The following GAREM1 variants were observed in gnomAD, a reference collection of about 807,000 sequenced individuals.
GAREM1 encodes the protein GRB2 associated regulator of MAPK1 subtype 1.
In GAREM1, 26 loss-of-function variants were observed where a neutral mutation model predicts 71.3. The observed-to-expected ratio is 0.36, with a 90% CI of 0.27 to 0.51. The LOEUF (loss-of-function observed/expected upper bound fraction) is 0.51. Ranked by LOEUF, GAREM1 falls within the 20% of genes least tolerant of loss-of-function variation. The pLI is 0.95. For synonymous variants in GAREM1, 440 were observed against 433.2 expected, an observed-to-expected ratio of 1.02 and a Z score of -0.20; for missense variants, 1,026 against 1,103.1, an observed-to-expected ratio of 0.93 and a Z score of 0.99.
At chr18:32,283,684 C>T (rs780028578) in intron 4 of GAREM1, among the ~76,000 whole-genome samples, 2 of 152,096 alleles carry the variant, frequency 1.3e-5, no homozygotes, top group African/African-American at 2.4e-5. Flanking sequence ...AGTTAATATA[C>T]AAGATATATT....
At chr18:32,279,707 C>A (rs2041589067) in intron 4 of GAREM1, among the ~76,000 whole-genome samples, 1 of 152,074 alleles carries the variant, frequency 6.6e-6, no homozygotes, top group Non-Finnish European at 1.5e-5. Context: ...GAAACCACTC[C>A]CTCCCCCAAC....
intron 2 of GAREM1, among the ~76,000 whole-genome samples, chr18:32,375,154 A>G (rs761314088): frequency 6.6e-6 from 1 of 152,186 alleles, no homozygotes; most frequent in Admixed American, 6.5e-5. Flanking sequence ...AATATTCCGA[A>G]TATCTGGCAA....
At chr18:32,468,960 T>TCCCCCCCCCCCCCCCCCCCCCCCCCCCCC (rs34977174) in intron 1 of GAREM1, among the ~76,000 whole-genome samples, 1 of 82,164 alleles carries the variant, frequency 1.2e-5, no homozygotes, top group Non-Finnish European at 2.4e-5. Context: ...CACCTGTGCG[T>TCCCCCCCCCCCCCCCCCCCCCCCCCCCCC]CCCCCCCCCC....
At chr18:32,323,612 T>A (rs1329130950) in intron 2 of GAREM1, among the ~76,000 whole-genome samples, 1 of 152,046 alleles carries the variant, frequency 6.6e-6, no homozygotes, top group East Asian at 1.9e-4. Flanking sequence ...GAGAGGCTGA[T>A]ACAGTAGAAT....
chr18:32,470,563 G>A lies in GAREM1; in HGVS notation c.-135C>T, dbSNP rs1165093787. On this transcript the variant is annotated 5_prime_UTR_variant, in exon 1 of 6. Coordinates refer to ENST00000269209, the MANE Select transcript of GAREM1 (RefSeq NM_001242409.2). This position sits in a 1 kb window ranked among gnomAD's most constrained non-coding sequence, Gnocchi z 4.4. ...CGGGCAGCTCCGGCCGCGGGCAGCC[G>A]GGGGGGCGCGGCGACTGGGGCGGCC... 13 of 517,228 alleles carry A rather than the reference G, an allele frequency of 2.5e-5. No homozygotes were observed. The South Asian group carries it at 8.9e-4, about 36-fold the overall frequency. 32.0% of individuals were successfully genotyped at this position (517,228 alleles called of 1,614,324 possible). A position where few individuals can be genotyped will look rare whatever the true frequency, so the allele number is the denominator to read the frequency against.
chr18:32,352,933 A>G (rs1447869732), intron 2 of GAREM1, among the ~76,000 whole-genome samples: 3 of 152,236 alleles, frequency 2.0e-5, no homozygotes, highest in African/African-American at 7.2e-5. Context: ...GCATAAACAG[A>G]TAACACAACA....
intron 2 of GAREM1, among the ~76,000 whole-genome samples, chr18:32,332,660 T>C (rs1041852471): frequency 4.6e-5 from 7 of 152,146 alleles, no homozygotes; most frequent in Non-Finnish European, 1.0e-4. Flanking sequence ...CCTCCCTGCC[T>C]ATCACCAAGC....
chr18:32,305,031 G>A (rs551395510), intron 3 of GAREM1, among the ~76,000 whole-genome samples: 2 of 151,684 alleles, frequency 1.3e-5, no homozygotes, highest in African/African-American at 4.8e-5. Flanking sequence ...ATAATTAAGA[G>A]AGAAAAAGCC....
intron 4 of GAREM1, among the ~76,000 whole-genome samples, chr18:32,280,756 T>C (rs1182527731): frequency 6.6e-6 from 1 of 152,208 alleles, no homozygotes; most frequent in African/African-American, 2.4e-5. Flanking sequence ...GTTTTTGTAA[T>C]ATCTTAGAAA....
rs532422925 is a variant in GAREM1 at position 32,437,816 on chromosome 18, T to A, written c.121+32492A>T. On this transcript the variant is annotated intron_variant, in intron 1 of 5. Transcript: ENST00000269209. ...AATAGCAAATATAAGTTTTAAAGAA[T>A]GTTTCCTTTTTAAATTATTTAGAAC... Among the ~76,000 whole-genome samples, 3 of 152,362 alleles carry A rather than the reference T, an allele frequency of 2.0e-5. No individual in the cohort carries two copies. The South Asian group carries it at 6.2e-4, about 32-fold the overall frequency.
intron 4 of GAREM1, among the ~76,000 whole-genome samples, chr18:32,273,093 A>G (rs1193155791): frequency 6.6e-6 from 1 of 152,362 alleles, no homozygotes; most frequent in East Asian, 1.9e-4. Flanking sequence ...GTTTATAGAA[A>G]TAGGGCGCAT....
chr18:32,470,217 C>T lies in GAREM1; in HGVS notation c.121+91G>A. ...GCTCAGGGGCGGGCAGCCCACTCCCCGCGGGTCCCACCCTCTCCAGCACAC... is the reference window on the plus strand; with the variant it reads ...GCTCAGGGGCGGGCAGCCCACTCCCTGCGGGTCCCACCCTCTCCAGCACAC... On this transcript the variant is annotated intron_variant, in intron 1 of 5. Coordinates refer to ENST00000269209, the MANE Select transcript of GAREM1 (RefSeq NM_001242409.2). The surrounding 1 kb of genome is among the most constrained non-coding windows in gnomAD (Gnocchi z 4.4). 1 of 1,292,332 alleles carries T rather than the reference C, an allele frequency of 7.7e-7. No individual in the cohort carries two copies. The highest frequency in any genetic ancestry group is 9.9e-7 in the Non-Finnish European group (1 of 1,014,116). 80.1% of individuals were successfully genotyped at this position (1,292,332 alleles called of 1,614,324 possible).
intron 1 of GAREM1, among the ~76,000 whole-genome samples, chr18:32,439,647 T>C (rs998140984): frequency 7.8e-6 from 1 of 128,938 alleles, no homozygotes; most frequent in Non-Finnish European, 1.8e-5. Context: ...CAAATGAGCT[T>C]TTTTTTTTTT....
At position 32,287,526 on chromosome 18, in the gene GAREM1, G is replaced by T. The variant is rs771764720; in HGVS notation, c.1071C>A (p.Pro357=). 1.2e-6 allele frequency: 2 copies of T among 1,614,186 alleles called. No individual in the cohort carries two copies. The part of the protein sequence containing the change: ...KTDWNEECKS[P]KKGRCSGHNH... Reference sequence around the variant, plus strand: ...TGTGGCCAGAGCACCGACCCTTCTTGGGGCTCTTGCATTCTTCATTCCAGT... The same window carrying T: ...TGTGGCCAGAGCACCGACCCTTCTTTGGGCTCTTGCATTCTTCATTCCAGT... The change falls in exon 4 of 6, where the codon CCC becomes CCA. Residue 357 remains proline, a synonymous_variant. Transcript: ENST00000269209. The surrounding 1 kb of genome is among the most constrained non-coding windows in gnomAD (Gnocchi z 5.9).
intron 2 of GAREM1, among the ~76,000 whole-genome samples, chr18:32,340,578 G>A (rs1274597178): frequency 6.6e-6 from 1 of 152,024 alleles, no homozygotes; most frequent in Non-Finnish European, 1.5e-5. Context: ...AGACTTCCTT[G>A]GACTCTTCCA....
intron 5 of GAREM1, among the ~76,000 whole-genome samples, chr18:32,269,570 AAG>A (rs955192821): frequency 6.6e-6 from 1 of 152,218 alleles, no homozygotes; most frequent in Non-Finnish European, 1.5e-5. Flanking sequence ...TGAGTTGACA[AAG>A]AGATATGGGA....
At position 32,470,465 on chromosome 18, in the gene GAREM1, C is replaced by T. The variant is rs1397480484; in HGVS notation, c.-37G>A. The T allele has an allele frequency of 3.1e-6, 4 of 1,276,426 alleles. No homozygotes were observed. In the East Asian group the frequency reaches 1.3e-4, roughly 41 times the overall value. 79.1% of individuals were successfully genotyped at this position (1,276,426 alleles called of 1,614,324 possible). On this transcript the variant is annotated 5_prime_UTR_variant, in exon 1 of 6. Transcript: ENST00000269209. This position sits in a 1 kb window ranked among gnomAD's most constrained non-coding sequence, Gnocchi z 4.4. ...CCTCCTGTCCCGCGCTCCCCCGCCG[C>T]CGCCACCGGCACCACCCGCGCCTCG... is the stretch of plus-strand genomic sequence containing the variant.
At chr18:32,374,845 AG>A (rs1255773852) in intron 2 of GAREM1, among the ~76,000 whole-genome samples, 2 of 152,240 alleles carry the variant, frequency 1.3e-5, no homozygotes, top group African/African-American at 4.8e-5. Context: ...AAGAACTTTC[AG>A]GAAAGTAGCA....
At chr18:32,397,366 T>A (rs1160184630) in intron 1 of GAREM1, among the ~76,000 whole-genome samples, 1 of 152,104 alleles carries the variant, frequency 6.6e-6, no homozygotes, top group African/African-American at 2.4e-5. Flanking sequence ...AAAAATTGGA[T>A]AAAGAGTCAA....
Sources: gnomAD v4.1 joint callset for allele counts (sites outside exome capture counted in the v4.1 genomes callset) on GRCh38, gnomAD v4.1.1 for gene constraint, Gnocchi (gnomAD v3.1) non-coding constraint, MANE v1.5 for transcripts, NCBI Gene and HGNC (gene_info 2026-07-23, HGNC 2026-07-21) for gene names.